The following ANKIB1 variants were observed in gnomAD, a reference collection of about 807,000 sequenced individuals.
The protein encoded by ANKIB1 is ankyrin repeat and IBR domain containing 1.
Under a neutral mutation model 122.1 loss-of-function variants are expected in ANKIB1, and 43 were observed. The ratio of observed to expected loss-of-function variants is 0.35; its 90% CI spans 0.28 to 0.45. The LOEUF is 0.45. Ranked by LOEUF, ANKIB1 falls within the 20% of genes least tolerant of loss-of-function variation. The probability of loss-of-function intolerance (pLI) is 1.00; values close to 1 mark genes in which losing one functional copy is unlikely to be tolerated. For synonymous variants in ANKIB1, 390 were observed against 442.0 expected (o/e 0.88, Z 1.48); for missense variants, 992 against 1,329.5 (o/e 0.75, Z 3.95).
chr7:92,321,920 T>G (rs1318938071), intron 4 of ANKIB1, among the ~76,000 whole-genome samples: 1 of 152,216 alleles, frequency 6.6e-6, no homozygotes, highest in African/African-American at 2.4e-5. Context: ...TTCACATGGT[T>G]ATTTAATCCA....
intron 18 of ANKIB1, 106 bp from the exon 19 acceptor site, chr7:92,397,617 C>A: frequency 7.9e-7 from 1 of 1,259,568 alleles, no homozygotes; most frequent in East Asian, 2.4e-5. Context: ...AGGTTTTCCC[C>A]AGCACTGAAA....
chr7:92,343,300 A>G lies in ANKIB1; in HGVS notation c.996+68A>G, dbSNP rs939805592. The G allele has an allele frequency of 2.3e-5, 32 of 1,377,420 alleles. No homozygotes were observed. The African/African-American group carries it at 4.5e-4, about 19-fold the overall frequency. The allele number at this position is 1,377,420 out of a possible 1,614,324, so 85.3% of individuals were successfully genotyped here. On this transcript the variant is annotated intron_variant, in intron 6 of 19. Coordinates refer to ENST00000265742, the MANE Select transcript of ANKIB1 (RefSeq NM_019004.2). ...AGTCTTTTAACATTCAAATGATTTAATATTGTTCCATGGAGTGTCTGGTTG... is the reference window on the plus strand; with the variant it reads ...AGTCTTTTAACATTCAAATGATTTAGTATTGTTCCATGGAGTGTCTGGTTG...
intron 9 of ANKIB1, among the ~76,000 whole-genome samples, chr7:92,357,920 G>A (rs939406362): frequency 6.6e-6 from 1 of 151,984 alleles, no homozygotes; most frequent in South Asian, 2.1e-4. Flanking sequence ...TCCAGATGCC[G>A]TAGTTTTTAA....
At chr7:92,252,726 A>C (rs1262599268) in intron 1 of ANKIB1, among the ~76,000 whole-genome samples, 3 of 152,030 alleles carry the variant, frequency 2.0e-5, no homozygotes, top group Non-Finnish European at 4.4e-5. Context: ...AACCTCTTCA[A>C]GCTGGCTCGT....
chr7:92,260,779 A>G (rs1014663354), intron 1 of ANKIB1, among the ~76,000 whole-genome samples: 1 of 152,100 alleles, frequency 6.6e-6, no homozygotes, highest in African/African-American at 2.4e-5. Flanking sequence ...TTATTTGAGA[A>G]AGAAACAAAA....
chr7:92,276,507 A>G (rs1329094301), intron 1 of ANKIB1, among the ~76,000 whole-genome samples: 1 of 152,192 alleles, frequency 6.6e-6, no homozygotes, highest in African/African-American at 2.4e-5. Flanking sequence ...GGCCTTTGTA[A>G]GGATAGCCAT....
intron 10 of ANKIB1, among the ~76,000 whole-genome samples, chr7:92,370,661 G>A (rs1804224431): frequency 6.6e-6 from 1 of 152,084 alleles, no homozygotes; most frequent in African/African-American, 2.4e-5. Context: ...ACTCAAGGTG[G>A]TGGGTACTTC....
intron 7 of ANKIB1, among the ~76,000 whole-genome samples, chr7:92,347,604 C>A (rs1803567163): frequency 6.6e-6 from 1 of 152,120 alleles, no homozygotes; most frequent in African/African-American, 2.4e-5. Flanking sequence ...CAGAAGAAGA[C>A]CCTGTCGATT....
chr7:92,339,525 A>G (rs1179824724), intron 5 of ANKIB1, among the ~76,000 whole-genome samples: 3 of 152,204 alleles, frequency 2.0e-5, no homozygotes, highest in Admixed American at 6.5e-5. Context: ...TTAGATTTAA[A>G]TAATAGGAGC....
intron 11 of ANKIB1, among the ~76,000 whole-genome samples, chr7:92,372,098 T>C (rs1804277473): frequency 2.0e-5 from 3 of 151,824 alleles, no homozygotes; most frequent in Admixed American, 2.0e-4. Flanking sequence ...AGGCCCAAAC[T>C]AGGCCCAAAT....
At position 92,326,809 on chromosome 7, in the gene ANKIB1, T is replaced by TA. The variant is rs900425512; in HGVS notation, c.670-962dup. Among the ~76,000 whole-genome samples, 139 of 146,758 alleles carry TA rather than the reference T, an allele frequency of 9.5e-4. 2 individuals are homozygous for TA. Among genetic ancestry groups the TA allele is most frequent in the East Asian group, 2.0e-3 (10 of 5,078 alleles). On this transcript the variant is annotated intron_variant, in intron 4 of 19. Transcript: ENST00000265742. ...AGAAAAGTTTTGGTTAACTTTCCTT[T>TA]AAAAAAAAAAAATGAGGTCTTACTA...
At chr7:92,390,150 A>C (rs1562800837) in intron 15 of ANKIB1, 34 bp downstream of exon 15, 11 of 1,466,020 alleles carry the variant, frequency 7.5e-6, no homozygotes, top group Non-Finnish European at 1.0e-5. Flanking sequence ...AAATGGCAGC[A>C]GTTATTATGA....
In ANKIB1 at chr7:92,388,502, AT is replaced by A. The variant is rs377344960; in HGVS notation, c.1906+462del. Among the ~76,000 whole-genome samples, 967 of 152,368 alleles carry A rather than the reference AT, an allele frequency of 6.3e-3. 10 individuals carry two copies. The highest frequency in any genetic ancestry group is 0.03 in the South Asian group (144 of 4,830). On this transcript the variant is annotated intron_variant, in intron 14 of 19. Transcript: ENST00000265742. ...TGGGAAGAAATCATTTCACTGGTAA[AT>A]AATGAACATTGGGGTCAAAAAGCGA...
At chr7:92,377,814 A>G (rs1804418131) in intron 11 of ANKIB1, among the ~76,000 whole-genome samples, 1 of 152,130 alleles carries the variant, frequency 6.6e-6, no homozygotes, top group African/African-American at 2.4e-5. Flanking sequence ...AGGGGAAAAA[A>G]GTTTTTCAAA....
chr7:92,329,070 C>T (rs778742440), intron 5 of ANKIB1, among the ~76,000 whole-genome samples: 3 of 150,972 alleles, frequency 2.0e-5, no homozygotes, highest in African/African-American at 2.4e-5. Context: ...CAGGTTCAAG[C>T]AATTCTCATG....
At chr7:92,359,776 C>T (rs1019575333) in intron 9 of ANKIB1, among the ~76,000 whole-genome samples, 1 of 152,174 alleles carries the variant, frequency 6.6e-6, no homozygotes, top group Non-Finnish European at 1.5e-5. Flanking sequence ...GAGATTAGGT[C>T]ATGCTGTGTT....
At chr7:92,279,426 G>A (rs144721889) in intron 1 of ANKIB1, among the ~76,000 whole-genome samples, 19 of 152,284 alleles carry the variant, frequency 1.2e-4, no homozygotes, top group Non-Finnish European at 1.8e-4. Flanking sequence ...ATATAGAGTC[G>A]ATCAGCAGCT....
chr7:92,303,841 G>A (rs923981027), intron 2 of ANKIB1, among the ~76,000 whole-genome samples: 13 of 152,092 alleles, frequency 8.5e-5, no homozygotes, highest in Non-Finnish European at 1.6e-4. Flanking sequence ...ATAAGAATAG[G>A]GTCATATGGA....
intron 1 of ANKIB1, among the ~76,000 whole-genome samples, chr7:92,251,216 A>G (rs1219112258): frequency 6.6e-6 from 1 of 152,192 alleles, no homozygotes; most frequent in African/African-American, 2.4e-5. Context: ...GTCTACAAAG[A>G]TGAGTAAGTC....
Sources: gnomAD v4.1 joint callset for allele counts (sites outside exome capture counted in the v4.1 genomes callset) on GRCh38, gnomAD v4.1.1 for gene constraint, MANE v1.5 for transcripts, NCBI Gene and HGNC (gene_info 2026-07-23, HGNC 2026-07-21) for gene names.